Variants in LCORL observed in about 807,000 individuals in gnomAD.
The protein encoded by LCORL is ligand dependent nuclear receptor corepressor like.
LCORL carries 41 observed loss-of-function variants against 141.8 expected under a neutral mutation model. The ratio of observed to expected loss-of-function variants is 0.29; its 90% CI spans 0.23 to 0.38. LCORL has a LOEUF of 0.38. Among genes scored for constraint, LCORL ranks in the 10% least tolerant of loss-of-function variants. LCORL has a pLI of 1.00. For missense variants in LCORL, 1,759 were observed against 2,035.0 expected, an observed-to-expected ratio of 0.86 and a Z score of 2.61; for synonymous variants, 618 against 694.1, an observed-to-expected ratio of 0.89 and a Z score of 1.72.
intron 2 of LCORL, among the ~76,000 whole-genome samples, chr4:17,963,655 G>C (rs1013955727): frequency 6.6e-6 from 1 of 151,146 alleles, no homozygotes; most frequent in African/African-American, 2.4e-5. Flanking sequence ...TTTTTTTCCA[G>C]AAGAATATTC....
intron 5 of LCORL, among the ~76,000 whole-genome samples, chr4:17,895,262 TCCTA>T (rs776435786): frequency 6.6e-5 from 10 of 152,164 alleles, no homozygotes; most frequent in East Asian, 1.9e-4. Context: ...CAAGTATTCC[TCCTA>T]CCTAACTTTG....
At position 18,021,631 on chromosome 4, in the gene LCORL, C is replaced by G; in HGVS notation, c.121G>C (p.Asp41His). 9 of 1,545,736 alleles carry G rather than the reference C, an allele frequency of 5.8e-6. No homozygotes were observed. Among genetic ancestry groups the G allele is most frequent in the Non-Finnish European group, 7.9e-6 (9 of 1,145,056 alleles). Residue 41 changes from aspartate to histidine, a missense_variant, in exon 1 of 8, where the codon GAC (aspartate) becomes CAC (histidine). Asp to His is a moderately conservative substitution (Grantham distance 81). This residue lies in a region of LCORL where 86 missense variants were observed against 61.8 expected (regional missense o/e 1.39). Coordinates refer to ENST00000635767, the Ensembl canonical transcript of LCORL. The surrounding 1 kb of genome is among the most constrained non-coding windows in gnomAD (Gnocchi z 5.5). ...TGCATGAGGCGGTGGCGCCAAGAGT[C>G]GAGTTCCCGCCGGAATCCTCTTCTC...
chr4:17,909,189 A>C, exon 5 of LCORL: 26 of 1,613,248 alleles, frequency 1.6e-5, no homozygotes, highest in Non-Finnish European at 2.1e-5. Context: ...ATTCATTTGG[A>C]TACTTTTACA....
chr4:18,015,234 A>T (rs1724456398), intron 1 of LCORL, among the ~76,000 whole-genome samples: 1 of 152,220 alleles, frequency 6.6e-6, no homozygotes, highest in African/African-American at 2.4e-5. Context: ...GCGCACAGCC[A>T]ATCAGGAAGC....
chr4:17,941,420 T>C (rs1235771813), intron 4 of LCORL, among the ~76,000 whole-genome samples: 5 of 151,974 alleles, frequency 3.3e-5, no homozygotes, highest in African/African-American at 9.7e-5. Flanking sequence ...GATTGCACCA[T>C]TGCATTTCAG....
At chr4:17,877,291 C>T in exon 7 of LCORL, 1 of 1,229,316 alleles carries the variant, frequency 8.1e-7, no homozygotes, top group Non-Finnish European at 1.0e-6. Flanking sequence ...ATGAAATCTC[C>T]CAATTTTAAA....
chr4:17,892,209 CTTTTTTT>C (rs1018422638), intron 5 of LCORL, among the ~76,000 whole-genome samples: 11 of 126,508 alleles, frequency 8.7e-5, no homozygotes, highest in South Asian at 2.6e-4. Context: ...TTTTTTTTTT[CTTTTTTT>C]TTTTTTTTTT....
At chr4:17,895,593 C>T (rs971840319) in intron 5 of LCORL, among the ~76,000 whole-genome samples, 1 of 152,134 alleles carries the variant, frequency 6.6e-6, no homozygotes, top group Admixed American at 6.6e-5. Context: ...GTAATCTTGG[C>T]TATTACAATT....
intron 1 of LCORL, among the ~76,000 whole-genome samples, chr4:18,000,579 T>C (rs965287684): frequency 1.3e-5 from 2 of 150,068 alleles, no homozygotes; most frequent in Non-Finnish European, 2.9e-5. Flanking sequence ...TAGAATATTA[T>C]AGAGCATTAA....
chr4:17,960,851 T>A (rs1713632960), intron 4 of LCORL, among the ~76,000 whole-genome samples: 2 of 152,062 alleles, frequency 1.3e-5, no homozygotes, highest in Admixed American at 1.3e-4. Context: ...AGGAAAAGAT[T>A]TTCAGTCTCT....
At chr4:17,975,162 A>G (rs1337251834) in intron 1 of LCORL, among the ~76,000 whole-genome samples, 1 of 152,082 alleles carries the variant, frequency 6.6e-6, no homozygotes, top group East Asian at 1.9e-4. Flanking sequence ...GTGGAAGCCT[A>G]GATCACTTAT....
chr4:17,855,575 T>C (rs1017017364), intron 7 of LCORL, among the ~76,000 whole-genome samples: 15 of 152,238 alleles, frequency 9.9e-5, no homozygotes, highest in African/African-American at 3.4e-4. Context: ...TTCTTTGCCC[T>C]ATAATTTTGC....
intron 5 of LCORL, chr4:17,893,547 T>A (rs956098318): frequency 2.0e-6 from 2 of 985,182 alleles, no homozygotes; most frequent in African/African-American, 3.5e-5. Flanking sequence ...AGAAAATGGT[T>A]TGGAAGGACT....
At chr4:17,910,272 G>A (rs1480165633) in intron 4 of LCORL, among the ~76,000 whole-genome samples, 5 of 152,168 alleles carry the variant, frequency 3.3e-5, no homozygotes, top group Admixed American at 3.3e-4. Context: ...ATTGGGGGTG[G>A]TGGCTTTTAC....
exon 8 of LCORL, chr4:17,845,549 TA>T: frequency 2.5e-6 from 1 of 397,998 alleles, no homozygotes. Flanking sequence ...TGATCTGATG[TA>T]AAACATGTAA....
At chr4:17,921,984 G>C (rs529901981) in intron 4 of LCORL, among the ~76,000 whole-genome samples, 27 of 152,122 alleles carry the variant, frequency 1.8e-4, no homozygotes, top group Non-Finnish European at 3.2e-4. Context: ...GGGGCTCTCA[G>C]GCTTCTGACC....
chr4:17,983,518 T>C (rs1209773058), intron 1 of LCORL, among the ~76,000 whole-genome samples: 1 of 152,192 alleles, frequency 6.6e-6, no homozygotes, highest in African/African-American at 2.4e-5. Context: ...TTTTATTCTT[T>C]TTGTGGCAAC....
Position 18,010,743 on chromosome 4 carries a change from G to C in LCORL, c.154+10855C>G, listed in dbSNP as rs753737443. Among the ~76,000 whole-genome samples, 40 of 152,124 alleles carry C rather than the reference G, an allele frequency of 2.6e-4. 1 individual carries two copies. The highest frequency in any genetic ancestry group is 2.1e-4 in the South Asian group (1 of 4,812). On this transcript the variant is annotated intron_variant, in intron 1 of 7. Transcript: ENST00000635767. ...CTGGGATTACAAACGTGAGCCACCGGGCCCGGCCATAACATATTTTTTAAA... is the reference window on the plus strand; with the variant it reads ...CTGGGATTACAAACGTGAGCCACCGCGCCCGGCCATAACATATTTTTTAAA...
chr4:17,973,314 G>A (rs1204365493), intron 1 of LCORL, among the ~76,000 whole-genome samples: 2 of 151,694 alleles, frequency 1.3e-5, no homozygotes, highest in Non-Finnish European at 3.0e-5. Flanking sequence ...AGGGTCAATA[G>A]GGAGAAATCT....
Sources: allele counts gnomAD v4.1 joint callset (sites outside exome capture counted in the v4.1 genomes callset), GRCh38; gene constraint gnomAD v4.1.1; regional missense constraint gnomAD v4.1.1; non-coding constraint Gnocchi (gnomAD v3.1); transcripts MANE v1.5; gene names NCBI Gene and HGNC (gene_info 2026-07-23, HGNC 2026-07-21).